The following ZNHIT6 variants were observed in gnomAD, a reference collection of about 807,000 sequenced individuals.
ZNHIT6 encodes the protein box C/D snoRNA protein 1.
ZNHIT6 carries 45 observed loss-of-function variants against 57.2 expected under a neutral mutation model. The ratio of observed to expected loss-of-function variants is 0.79; its 90% CI spans 0.62 to 1.01. The LOEUF (loss-of-function observed/expected upper bound fraction) is 1.01, where lower values mean the gene tolerates loss of function less well. ZNHIT6 is among the 50% of genes least tolerant of loss of function. The pLI is 0.00. For missense variants in ZNHIT6, 528 were observed against 567.3 expected (o/e 0.93, Z 0.70); for synonymous variants, 188 against 190.0 (o/e 0.99, Z 0.09).
intron 5 of ZNHIT6, among the ~76,000 whole-genome samples, chr1:85,689,010 T>G (rs1312359788): frequency 6.6e-6 from 1 of 152,188 alleles, no homozygotes; most frequent in African/African-American, 2.4e-5. Flanking sequence ...GCAACCTAAC[T>G]GATACAAGGG....
At chr1:85,681,163 G>A (rs1661862509) in intron 5 of ZNHIT6, among the ~76,000 whole-genome samples, 1 of 152,180 alleles carries the variant, frequency 6.6e-6, no homozygotes, top group Non-Finnish European at 1.5e-5. Flanking sequence ...GGAGCAGTGT[G>A]CTACTATTTG....
intron 5 of ZNHIT6, among the ~76,000 whole-genome samples, chr1:85,686,899 C>G (rs1238147908): frequency 6.6e-6 from 1 of 152,092 alleles, no homozygotes; most frequent in East Asian, 1.9e-4. Flanking sequence ...GACAATCTCT[C>G]TGTACCTCAG....
Position 85,667,961 on chromosome 1 carries a change from A to AAAAAAATGTATATATATATAT in ZNHIT6, c.1247+9274_1247+9275insATATATATATATACATTTTTT. On this transcript the variant is annotated intron_variant, in intron 8 of 9. Coordinates refer to ENST00000370574, the MANE Select transcript of ZNHIT6 (RefSeq NM_017953.4). ...ACTCTCTCTTTCAAAAAAAAAAAAA[A>AAAAAAATGTATATATATATAT]ATATATATATATATATATATATATG... is the stretch of plus-strand genomic sequence containing the variant. Among the ~76,000 whole-genome samples, 6 of 18,202 alleles carry AAAAAAATGTATATATATATAT rather than the reference A, an allele frequency of 3.3e-4. 1 individual carries two copies. The East Asian group carries it at 6.9e-3, about 21-fold the overall frequency. 11.9% of individuals were successfully genotyped at this position (18,202 alleles called of 152,430 possible).
intron 8 of ZNHIT6, among the ~76,000 whole-genome samples, chr1:85,659,026 T>C (rs1407176652): frequency 6.6e-6 from 1 of 152,124 alleles, no homozygotes; most frequent in Non-Finnish European, 1.5e-5. Flanking sequence ...AACATGGCAA[T>C]AAAATAACTG....
At chr1:85,667,961 A>AAAAAAAAAAAAAAAAAAAT in intron 8 of ZNHIT6, among the ~76,000 whole-genome samples, 1 of 18,202 alleles carries the variant, frequency 5.5e-5, no homozygotes, top group African/African-American at 2.1e-4. Context: ...AAAAAAAAAA[A>AAAAAAAAAAAAAAAAAAAT]ATATATATAT....
At chr1:85,658,394 A>C (rs1365174803) in intron 8 of ZNHIT6, among the ~76,000 whole-genome samples, 1 of 151,754 alleles carries the variant, frequency 6.6e-6, no homozygotes, top group African/African-American at 2.4e-5. Context: ...ATGCCTGGCT[A>C]ATTTTTTTTG....
intron 8 of ZNHIT6, among the ~76,000 whole-genome samples, chr1:85,671,451 T>C (rs755271107): frequency 1.3e-5 from 2 of 151,432 alleles, no homozygotes; most frequent in Admixed American, 6.6e-5. Context: ...TAAGACCCTG[T>C]CTCTTAAAAA....
chr1:85,681,281 C>T (rs1661864912), intron 5 of ZNHIT6, among the ~76,000 whole-genome samples: 1 of 152,182 alleles, frequency 6.6e-6, no homozygotes, highest in Non-Finnish European at 1.5e-5. Context: ...GTCCAGCTGG[C>T]TGGAGATACA....
At chr1:85,668,964 T>C (rs1661466734) in intron 8 of ZNHIT6, among the ~76,000 whole-genome samples, 1 of 151,900 alleles carries the variant, frequency 6.6e-6, no homozygotes, top group African/African-American at 2.4e-5. Context: ...TATATCATGG[T>C]CACCCTTGGG....
At chr1:85,661,480 T>C (rs1045284953) in intron 8 of ZNHIT6, among the ~76,000 whole-genome samples, 8 of 152,356 alleles carry the variant, frequency 5.3e-5, no homozygotes, top group East Asian at 1.9e-4. Flanking sequence ...CACTTTCCTA[T>C]AGAAACTCTA....
chr1:85,677,360 T>C, intron 7 of ZNHIT6, 47 bp from the exon 8 acceptor site: 6 of 1,512,126 alleles, frequency 4.0e-6, no homozygotes, highest in Non-Finnish European at 4.5e-6. Flanking sequence ...TTTTAATATA[T>C]TTCAAGATAG....
At chr1:85,701,562 C>T (rs1297153691) in intron 5 of ZNHIT6, among the ~76,000 whole-genome samples, 1 of 152,192 alleles carries the variant, frequency 6.6e-6, no homozygotes, top group Non-Finnish European at 1.5e-5. Context: ...TCAAAGTCCC[C>T]TTCTTCTACA....
At chr1:85,699,889 G>C (rs1313218229) in intron 5 of ZNHIT6, among the ~76,000 whole-genome samples, 3 of 152,236 alleles carry the variant, frequency 2.0e-5, no homozygotes, top group Non-Finnish European at 4.4e-5. Flanking sequence ...TAAAAAGAAT[G>C]AGGCAGATTT....
chr1:85,681,252 TGAAG>T (rs1661864204), intron 5 of ZNHIT6, among the ~76,000 whole-genome samples: 2 of 152,176 alleles, frequency 1.3e-5, no homozygotes, highest in South Asian at 4.1e-4. Context: ...ATTAGGTGAA[TGAAG>T]TATTGTCCGG....
chr1:85,706,102 C>A lies in ZNHIT6; in HGVS notation c.891G>T (p.Leu297Phe). 1 of 1,613,434 alleles carries A rather than the reference C, an allele frequency of 6.2e-7. No homozygotes were observed. Among genetic ancestry groups the A allele is most frequent in the Non-Finnish European group, 8.5e-7 (1 of 1,179,736 alleles). Residue 297 changes from leucine to phenylalanine, a missense_variant, in exon 4 of 10, where the codon TTG (leucine) becomes TTT (phenylalanine). Transcript: ENST00000370574. ...TADHISRDAFLKRPISNKYMY... is the reference protein window; with the variant it reads ...TADHISRDAFFKRPISNKYMY... ...CATATTTATTGCTTATTGGTCTCTT[C>A]AAAAAAGCATCTCTAGAAATATGGT... is the stretch of plus-strand genomic sequence containing the variant.
At chr1:85,671,981 G>A (rs1661567894) in intron 8 of ZNHIT6, among the ~76,000 whole-genome samples, 1 of 152,094 alleles carries the variant, frequency 6.6e-6, no homozygotes, top group Admixed American at 6.6e-5. Context: ...GTCTAGTCTA[G>A]AGCCTCATAA....
Position 85,708,325 on chromosome 1 carries a change from A to T in ZNHIT6, c.-41T>A. 6.4e-7 allele frequency: 1 copy of T among 1,551,944 alleles called. No individual in the cohort carries two copies. The highest frequency in any genetic ancestry group is 8.7e-7 in the Non-Finnish European group (1 of 1,149,386). On this transcript the variant is annotated 5_prime_UTR_variant, in exon 1 of 10. Coordinates refer to ENST00000370574, the MANE Select transcript of ZNHIT6 (RefSeq NM_017953.4). Reference sequence around the variant, plus strand: ...GGCCTCTGCTGCCACTCTATCCTTCAATGTGGCTGCTGCACACCAATAGGA... The same window carrying T: ...GGCCTCTGCTGCCACTCTATCCTTCTATGTGGCTGCTGCACACCAATAGGA...
At chr1:85,654,658 CT>C (rs1398774038) in intron 9 of ZNHIT6, among the ~76,000 whole-genome samples, 1 of 152,178 alleles carries the variant, frequency 6.6e-6, no homozygotes, top group Non-Finnish European at 1.5e-5. Context: ...CCTTTCTTCT[CT>C]GTATCTATCC....
chr1:85,667,068 A>T (rs1661389580), intron 8 of ZNHIT6, among the ~76,000 whole-genome samples: 1 of 152,216 alleles, frequency 6.6e-6, no homozygotes, highest in Admixed American at 6.5e-5. Context: ...ACATAATCTG[A>T]GAACATGCAT....
Sources: allele counts gnomAD v4.1 joint callset (sites outside exome capture counted in the v4.1 genomes callset), GRCh38; gene constraint gnomAD v4.1.1; transcripts MANE v1.5; gene names NCBI Gene and HGNC (gene_info 2026-07-23, HGNC 2026-07-21).